SPTLC3: variants seen among roughly 807,000 people sequenced by gnomAD.
SPTLC3 encodes serine palmitoyltransferase 3.
A neutral mutation model predicts 59.3 loss-of-function variants in SPTLC3; 36 were observed. That is an observed-to-expected ratio of 0.61 (90% CI 0.47 to 0.80). SPTLC3 has a LOEUF of 0.80. Among genes scored for constraint, SPTLC3 ranks in the 30% least tolerant of loss-of-function variants. SPTLC3 has a pLI of 0.00. For synonymous variants in SPTLC3, 257 were observed against 240.8 expected, an observed-to-expected ratio of 1.07 and a Z score of -0.62; for missense variants, 625 against 685.1, an observed-to-expected ratio of 0.91 and a Z score of 0.98.
intron 6 of SPTLC3, among the ~76,000 whole-genome samples, chr20:13,101,080 T>C (rs1407624788): frequency 6.6e-6 from 1 of 152,196 alleles, no homozygotes; most frequent in Non-Finnish European, 1.5e-5. Context: ...ACCTCGATTC[T>C]ACTAGGAAAC....
intron 3 of SPTLC3, chr20:13,073,705 G>T: frequency 4.7e-6 from 2 of 423,098 alleles, no homozygotes; most frequent in South Asian, 2.2e-5. Context: ...CATTGCTGCA[G>T]CTTCAGTTCT....
intron 1 of SPTLC3, among the ~76,000 whole-genome samples, chr20:13,013,262 G>A (rs1364161778): frequency 6.6e-6 from 1 of 152,110 alleles, no homozygotes; most frequent in East Asian, 1.9e-4. Flanking sequence ...CAATATCCTG[G>A]TAGAGCTACT....
intron 1 of SPTLC3, among the ~76,000 whole-genome samples, chr20:13,036,593 G>C (rs553120776): frequency 4.2e-4 from 64 of 152,164 alleles, no homozygotes; most frequent in African/African-American, 1.5e-3. Flanking sequence ...TAGGCTATTA[G>C]CAGTTAAGTT....
intron 6 of SPTLC3, among the ~76,000 whole-genome samples, chr20:13,101,842 G>C (rs564756172): frequency 2.0e-5 from 3 of 152,138 alleles, no homozygotes; most frequent in Non-Finnish European, 4.4e-5. Context: ...TGCTACTGCT[G>C]CTGCTGCTGT....
chr20:13,131,547 A>G (rs909972433), intron 9 of SPTLC3, among the ~76,000 whole-genome samples: 6 of 152,172 alleles, frequency 3.9e-5, no homozygotes, highest in Non-Finnish European at 7.3e-5. Flanking sequence ...AAATTTTCCA[A>G]TAGCTTTACC....
At chr20:13,046,599 T>A (rs966320818) in intron 1 of SPTLC3, among the ~76,000 whole-genome samples, 3 of 151,910 alleles carry the variant, frequency 2.0e-5, no homozygotes, top group Admixed American at 6.6e-5. Context: ...GGGAGGTGGG[T>A]CTTAACTGGG....
chr20:13,152,268 A>T (rs1445802411), intron 9 of SPTLC3, among the ~76,000 whole-genome samples: 4 of 152,214 alleles, frequency 2.6e-5, no homozygotes, highest in Non-Finnish European at 5.9e-5. Flanking sequence ...AATAAATGTC[A>T]AGAGCTTATA....
chr20:13,079,622 G>T, intron 4 of SPTLC3: 2 of 300,592 alleles, frequency 6.7e-6, no homozygotes, highest in Non-Finnish European at 7.0e-6. Context: ...GTGTTCCCAG[G>T]GAGGACCCTG....
chr20:13,110,099 G>C lies in SPTLC3; in HGVS notation c.827-13G>C, dbSNP rs755263203. ...TTTCATGACTCAATTTTTTTTTTTG[G>C]TATTATTTAAAGACACACAAAGCCT... On this transcript the variant is annotated splice_polypyrimidine_tract_variant and intron_variant, in intron 6 of 11. Transcript: ENST00000399002. 1 of 1,563,192 alleles carries C rather than the reference G, an allele frequency of 6.4e-7. No individual in the cohort carries two copies. The highest frequency in any genetic ancestry group is 1.5e-5 in the African/African-American group (1 of 68,066).
intron 4 of SPTLC3, among the ~76,000 whole-genome samples, chr20:13,088,087 C>A (rs748516561): frequency 6.6e-6 from 1 of 152,254 alleles, no homozygotes; most frequent in South Asian, 2.1e-4. Context: ...AGGCTGTTGG[C>A]CTTTTCACTG....
chr20:13,116,945 C>G (rs886529816), intron 7 of SPTLC3, among the ~76,000 whole-genome samples: 1 of 152,184 alleles, frequency 6.6e-6, no homozygotes, highest in Non-Finnish European at 1.5e-5. Flanking sequence ...GAGGAGACAC[C>G]TCGGTCTTTG....
At chr20:13,144,599 T>A (rs1437280721) in intron 9 of SPTLC3, among the ~76,000 whole-genome samples, 2 of 152,206 alleles carry the variant, frequency 1.3e-5, no homozygotes, top group African/African-American at 2.4e-5. Context: ...TTATTATCAA[T>A]CATTATTTTT....
chr20:13,125,019 C>T (rs1256979468), intron 8 of SPTLC3, among the ~76,000 whole-genome samples: 1 of 152,144 alleles, frequency 6.6e-6, no homozygotes, highest in East Asian at 1.9e-4. Context: ...CTTTAAAGAC[C>T]CCACTGCTAA....
intron 5 of SPTLC3, among the ~76,000 whole-genome samples, chr20:13,092,264 G>A (rs1296377737): frequency 6.6e-6 from 1 of 152,354 alleles, no homozygotes; most frequent in South Asian, 2.1e-4. Context: ...GTGCCAAATG[G>A]CAATGAGCCA....
chr20:13,049,252 A>G lies in SPTLC3; in HGVS notation c.303+122A>G, dbSNP rs202018971. On this transcript the variant is annotated intron_variant, in intron 2 of 11. Coordinates refer to ENST00000399002, the MANE Select transcript of SPTLC3 (RefSeq NM_018327.4). ...AGGTGCTCAGGAACTATTCAGGGCA[A>G]ATTTCATTCATCTCCACCTCCTAAA... 342 of 1,083,550 alleles carry G rather than the reference A, an allele frequency of 3.2e-4. 3 individuals are homozygous for G. Among genetic ancestry groups the G allele is most frequent in the Non-Finnish European group, 4.9e-5 (36 of 729,080 alleles). 67.1% of individuals were successfully genotyped at this position (1,083,550 alleles called of 1,614,324 possible).
chr20:13,025,464 T>G (rs982088723), intron 1 of SPTLC3, among the ~76,000 whole-genome samples: 1 of 152,180 alleles, frequency 6.6e-6, no homozygotes, highest in Non-Finnish European at 1.5e-5. Context: ...AGCAGTTTAA[T>G]CTCTCTGTGC....
intron 1 of SPTLC3, among the ~76,000 whole-genome samples, chr20:13,044,998 CACACACA>C (rs780702288): frequency 3.1e-4 from 2 of 6,360 alleles, no homozygotes; most frequent in Non-Finnish European, 9.2e-4. Context: ...GTCCCCACCA[CACACACA>C]CACACACACA....
At chr20:13,059,657 T>A (rs1384007305) in intron 2 of SPTLC3, among the ~76,000 whole-genome samples, 1 of 152,180 alleles carries the variant, frequency 6.6e-6, no homozygotes, top group Non-Finnish European at 1.5e-5. Flanking sequence ...CAACCTTGGC[T>A]GCACATTGTA....
chr20:13,043,377 T>C (rs1158886230), intron 1 of SPTLC3, among the ~76,000 whole-genome samples: 1 of 152,196 alleles, frequency 6.6e-6, no homozygotes, highest in Non-Finnish European at 1.5e-5. Flanking sequence ...AGGACTAACC[T>C]AGCAGTGTAA....
Sources: gnomAD v4.1 joint callset for allele counts (sites outside exome capture counted in the v4.1 genomes callset) on GRCh38, gnomAD v4.1.1 for gene constraint, MANE v1.5 for transcripts, NCBI Gene and HGNC (gene_info 2026-07-23, HGNC 2026-07-21) for gene names.